SLC25A21: variants seen among roughly 807,000 people sequenced by gnomAD.
SLC25A21 encodes solute carrier family 25 member 21, also known as mitochondrial 2-oxodicarboxylate carrier.
In SLC25A21, 47 loss-of-function variants were observed where a neutral mutation model predicts 43.8. The observed-to-expected ratio is 1.07, with a 90% CI of 0.85 to 1.37. SLC25A21 has a LOEUF of 1.37. SLC25A21 is among the 40% of genes most tolerant of loss of function. The pLI is 0.00. For synonymous variants in SLC25A21, 131 were observed against 121.3 expected, an observed-to-expected ratio of 1.08 and a Z score of -0.52; for missense variants, 352 against 350.2, an observed-to-expected ratio of 1.00 and a Z score of -0.04.
At chr14:36,994,172 G>A (rs1454279308) in intron 1 of SLC25A21, among the ~76,000 whole-genome samples, 1 of 152,104 alleles carries the variant, frequency 6.6e-6, no homozygotes, top group Non-Finnish European at 1.5e-5. Context: ...TTAGGGATCG[G>A]GGAGATGTCT....
chr14:37,103,881 T>A (rs1187016815), intron 1 of SLC25A21, among the ~76,000 whole-genome samples: 1 of 152,228 alleles, frequency 6.6e-6, no homozygotes, highest in Non-Finnish European at 1.5e-5. Context: ...ACTTGCTGTT[T>A]GCCAGAATTT....
At chr14:36,888,163 T>C (rs1017988025) in intron 1 of SLC25A21, among the ~76,000 whole-genome samples, 1 of 152,206 alleles carries the variant, frequency 6.6e-6, no homozygotes, top group African/African-American at 2.4e-5. Flanking sequence ...ATAAATTCTG[T>C]TGCTTAGCCT....
In SLC25A21 at chr14:36,700,587, A is replaced by T. The variant is rs574989106; in HGVS notation, c.603+10731T>A. On this transcript the variant is annotated intron_variant, in intron 7 of 9. Transcript: ENST00000331299. ...GATTAAGAGCATGGGCCCTGGGGTCAGATTGCCTAGGGTCAGGCCTTTGAA... is the reference window on the plus strand; with the variant it reads ...GATTAAGAGCATGGGCCCTGGGGTCTGATTGCCTAGGGTCAGGCCTTTGAA... Among the ~76,000 whole-genome samples, 66 of 152,316 alleles carry T rather than the reference A, an allele frequency of 4.3e-4. 1 individual carries two copies. Among genetic ancestry groups the T allele is most frequent in the African/African-American group, 1.4e-3 (60 of 41,576 alleles).
At chr14:37,099,266 A>G (rs74406115) in intron 1 of SLC25A21, among the ~76,000 whole-genome samples, 4,182 of 152,066 alleles carry the variant, frequency 0.028, 199 homozygotes, top group African/African-American at 0.096. Context: ...TTGTGTGTCT[A>G]TCTAAAATCC....
At chr14:37,159,970 G>A (rs1311007725) in intron 1 of SLC25A21, among the ~76,000 whole-genome samples, 3 of 151,928 alleles carry the variant, frequency 2.0e-5, no homozygotes, top group Admixed American at 6.6e-5. Context: ...AAAAATGGTC[G>A]GCATCACTAA....
At chr14:37,122,955 G>C (rs537903609) in intron 1 of SLC25A21, among the ~76,000 whole-genome samples, 15 of 152,228 alleles carry the variant, frequency 9.9e-5, no homozygotes, top group African/African-American at 3.6e-4. Flanking sequence ...CTATATCTTA[G>C]GCATCTAAAA....
At chr14:37,054,078 A>G (rs1961767446) in intron 1 of SLC25A21, among the ~76,000 whole-genome samples, 1 of 152,228 alleles carries the variant, frequency 6.6e-6, no homozygotes, top group Non-Finnish European at 1.5e-5. Flanking sequence ...AAGTGGAAAC[A>G]ACATTCTTCA....
At chr14:36,691,334 C>G (rs1882786777) in intron 7 of SLC25A21, among the ~76,000 whole-genome samples, 1 of 152,058 alleles carries the variant, frequency 6.6e-6, no homozygotes, top group Admixed American at 6.5e-5. Context: ...CAGAATGCCA[C>G]CTAGCCTAAG....
chr14:36,744,313 C>T (rs964932286), intron 3 of SLC25A21, among the ~76,000 whole-genome samples: 1 of 152,102 alleles, frequency 6.6e-6, no homozygotes, highest in Non-Finnish European at 1.5e-5. Flanking sequence ...ATAACCAAAA[C>T]AGCATGGCAT....
intron 1 of SLC25A21, among the ~76,000 whole-genome samples, chr14:37,147,260 T>C (rs1415672403): frequency 1.3e-5 from 2 of 152,350 alleles, no homozygotes; most frequent in South Asian, 2.1e-4. Context: ...TTTCACATAG[T>C]AATTCTTTTA....
chr14:37,063,265 C>G (rs1365083127), intron 1 of SLC25A21, among the ~76,000 whole-genome samples: 2 of 152,008 alleles, frequency 1.3e-5, no homozygotes, highest in South Asian at 4.2e-4. Context: ...TTTGGGAGGC[C>G]GAGATGGGTG....
At chr14:36,859,916 C>T (rs1276877717) in intron 2 of SLC25A21, among the ~76,000 whole-genome samples, 2 of 151,954 alleles carry the variant, frequency 1.3e-5, no homozygotes, top group Admixed American at 1.3e-4. Context: ...GACATTTATT[C>T]AATCATTCAT....
intron 1 of SLC25A21, among the ~76,000 whole-genome samples, chr14:36,975,647 T>C (rs1431419797): frequency 1.3e-5 from 2 of 152,152 alleles, no homozygotes; most frequent in Admixed American, 6.5e-5. Context: ...TAGAAAAAGG[T>C]TGGTGGTTCA....
At position 36,680,803 on chromosome 14, in the gene SLC25A21, C is replaced by G. The variant is rs150066196; in HGVS notation, c.839-84G>C. ...CACTGGGTTTCTGAATCCATGATGTCTCGCACAGCCTGTCAGGCAGAGGCT... is the reference window on the plus strand; with the variant it reads ...CACTGGGTTTCTGAATCCATGATGTGTCGCACAGCCTGTCAGGCAGAGGCT... On this transcript the variant is annotated intron_variant, in intron 9 of 9. Coordinates refer to ENST00000331299, the MANE Select transcript of SLC25A21 (RefSeq NM_030631.4). The G allele has an allele frequency of 5.4e-4, 663 of 1,230,846 alleles. 5 individuals are homozygous for G. The African/African-American group carries it at 8.6e-3, about 16-fold the overall frequency. 76.2% of individuals were successfully genotyped at this position (1,230,846 alleles called of 1,614,324 possible).
At chr14:36,997,749 A>G (rs1025000884) in intron 1 of SLC25A21, among the ~76,000 whole-genome samples, 2 of 151,606 alleles carry the variant, frequency 1.3e-5, no homozygotes, top group East Asian at 3.9e-4. Context: ...GAATCACTTG[A>G]ACCTGGGAGG....
intron 1 of SLC25A21, among the ~76,000 whole-genome samples, chr14:36,973,466 A>G (rs718998): frequency 0.22 from 32,973 of 152,128 alleles, 3,808 homozygotes; most frequent in South Asian, 0.33. Context: ...AGTTGCAGCT[A>G]GGATGACTGT....
Position 36,680,458 on chromosome 14 carries a change from T to G in SLC25A21, c.*200A>C. On this transcript the variant is annotated 3_prime_UTR_variant, in exon 10 of 10. Coordinates refer to ENST00000331299, the MANE Select transcript of SLC25A21 (RefSeq NM_030631.4). ...CTCATTGTTTCATATTATTTTTTTC[T>G]TCTCACAGTTTTATTTATACAGCCA... The G allele has an allele frequency of 8.3e-7, 1 of 1,203,162 alleles. No homozygotes were observed. Among genetic ancestry groups the G allele is most frequent in the Admixed American group, 4.3e-5 (1 of 23,494 alleles). The allele number at this position is 1,203,162 out of a possible 1,614,324, so 74.5% of individuals were successfully genotyped here. A position where few individuals can be genotyped will look rare whatever the true frequency, so the allele number is the denominator to read the frequency against.
chr14:36,900,321 C>T lies in SLC25A21; in HGVS notation c.71-25317G>A, dbSNP rs144844292. ...ATTGCTGTGGCCAGGAGGATAGGGA[C>T]ATCTCATTGGTAGAGTTTTAGGCAC... On this transcript the variant is annotated intron_variant, in intron 1 of 9. Transcript: ENST00000331299. 1.6e-4 allele frequency among the ~76,000 whole-genome samples: 25 copies of T among 152,160 alleles called. No homozygotes were observed. The East Asian group carries it at 4.3e-3, about 26-fold the overall frequency.
In SLC25A21 at chr14:37,133,143, G is replaced by GCACACACA. The variant is rs33962615; in HGVS notation, c.70+39130_70+39137dup. Among the ~76,000 whole-genome samples, 987 of 148,066 alleles carry GCACACACA rather than the reference G, an allele frequency of 6.7e-3. 9 individuals carry two copies. Among genetic ancestry groups the GCACACACA allele is most frequent in the African/African-American group, 0.023 (914 of 40,340 alleles). On this transcript the variant is annotated intron_variant, in intron 1 of 9. Coordinates refer to ENST00000331299, the MANE Select transcript of SLC25A21 (RefSeq NM_030631.4). ...ACCCCACCTTACTGTGTGCACTCGT[G>GCACACACA]CACACACACACACACACACACACAC...
Sources: gnomAD v4.1 joint callset for allele counts (sites outside exome capture counted in the v4.1 genomes callset) on GRCh38, gnomAD v4.1.1 for gene constraint, MANE v1.5 for transcripts, NCBI Gene and HGNC (gene_info 2026-07-23, HGNC 2026-07-21) for gene names.